NEBL: variants seen among roughly 807,000 people sequenced by gnomAD.
NEBL encodes the protein LIM and SH3 protein 2.
Under a neutral mutation model 140.2 loss-of-function variants are expected in NEBL, and 122 were observed. The observed-to-expected ratio is 0.87, with a 90% CI of 0.75 to 1.01. The LOEUF (loss-of-function observed/expected upper bound fraction) is 1.01, where lower values mean the gene tolerates loss of function less well. Ranked by LOEUF, NEBL falls within the 50% of genes least tolerant of loss-of-function variation. The pLI is 0.00. For synonymous variants in NEBL, 436 were observed against 398.9 expected (o/e 1.09, Z -1.11); for missense variants, 1,365 against 1,231.3 (o/e 1.11, Z -1.62).
intron 2 of NEBL, among the ~76,000 whole-genome samples, chr10:21,032,477 C>T (rs1258550221): frequency 5.9e-5 from 9 of 152,144 alleles, no homozygotes; most frequent in South Asian, 2.1e-4. Context: ...CCACAGCCAT[C>T]GTCTTGTTCT....
chr10:21,223,563 C>G (rs1329625592), intron 3 of NEBL, among the ~76,000 whole-genome samples: 1 of 152,184 alleles, frequency 6.6e-6, no homozygotes, highest in African/African-American at 2.4e-5. Context: ...GTGTATACAC[C>G]TAGCAGTGCG....
chr10:20,840,038 C>T (rs988698871), intron 13 of NEBL, among the ~76,000 whole-genome samples: 5 of 152,090 alleles, frequency 3.3e-5, no homozygotes, highest in Admixed American at 1.3e-4. Flanking sequence ...TCCTTTGATG[C>T]CTACCCTAGT....
intron 2 of NEBL, among the ~76,000 whole-genome samples, chr10:21,067,593 T>C (rs983763982): frequency 6.6e-6 from 1 of 152,130 alleles, no homozygotes; most frequent in Non-Finnish European, 1.5e-5. Flanking sequence ...TTATTTCATG[T>C]AACTCCAAAA....
chr10:20,999,769 C>T (rs1425778782), intron 3 of NEBL, among the ~76,000 whole-genome samples: 2 of 152,140 alleles, frequency 1.3e-5, no homozygotes, highest in Admixed American at 6.5e-5. Flanking sequence ...GCTTTAACTG[C>T]CGTGGAGGCT....
At chr10:20,789,520 T>C (rs561484382) in intron 26 of NEBL, among the ~76,000 whole-genome samples, 5 of 152,330 alleles carry the variant, frequency 3.3e-5, no homozygotes, top group African/African-American at 1.2e-4. Context: ...AATTCAAGAA[T>C]GTTGCTTAAC....
intron 2 of NEBL, among the ~76,000 whole-genome samples, chr10:21,074,029 CAT>C: frequency 6.6e-6 from 1 of 151,862 alleles, no homozygotes; most frequent in Non-Finnish European, 1.5e-5. Context: ...GAGCCGAGAT[CAT>C]GCCACTGCAC....
intron 3 of NEBL, among the ~76,000 whole-genome samples, chr10:21,226,100 T>C (rs965566340): frequency 2.0e-5 from 3 of 151,890 alleles, no homozygotes; most frequent in African/African-American, 7.3e-5. Flanking sequence ...TAGTCAGCAG[T>C]TGATTATCCT....
At chr10:20,874,046 G>C (rs1305481505) in intron 5 of NEBL, among the ~76,000 whole-genome samples, 1 of 152,158 alleles carries the variant, frequency 6.6e-6, no homozygotes, top group African/African-American at 2.4e-5. Flanking sequence ...ACAGTATAGA[G>C]TCTTATCTGA....
intron 16 of NEBL, among the ~76,000 whole-genome samples, chr10:20,830,880 G>T (rs1426034974): frequency 1.4e-5 from 2 of 143,048 alleles, no homozygotes; most frequent in Non-Finnish European, 3.0e-5. Context: ...TTCCAGCCTG[G>T]GTGAAAGAGT....
At chr10:21,203,645 A>G (rs1841778401) in intron 3 of NEBL, among the ~76,000 whole-genome samples, 1 of 152,246 alleles carries the variant, frequency 6.6e-6, no homozygotes, top group East Asian at 1.9e-4. Context: ...TGGCTTTTGC[A>G]ACAGGTCTGA....
At chr10:20,786,043 T>C (rs1835379528) in intron 27 of NEBL, 120 bp from the exon 28 acceptor site, 1 of 927,636 alleles carries the variant, frequency 1.1e-6, no homozygotes, top group Non-Finnish European at 1.7e-6. Context: ...AACACATGTA[T>C]CTCTGGAAAT....
At chr10:21,056,841 A>G (rs1051519266) in intron 2 of NEBL, among the ~76,000 whole-genome samples, 3 of 152,168 alleles carry the variant, frequency 2.0e-5, no homozygotes, top group Non-Finnish European at 4.4e-5. Context: ...AAAATTCAGG[A>G]TGGTGGTTCA....
chr10:20,900,771 G>A (rs551410548), upstream of NEBL, among the ~76,000 whole-genome samples: 84 of 151,430 alleles, frequency 5.5e-4, no homozygotes, highest in Non-Finnish European at 1.0e-3. Context: ...CTTGAACTTG[G>A]GAGGCGTAGG....
intron 12 of NEBL, among the ~76,000 whole-genome samples, chr10:20,844,950 A>C (rs1043338494): frequency 5.9e-5 from 9 of 152,198 alleles, no homozygotes; most frequent in East Asian, 3.9e-4. Context: ...TTTTTTAAAA[A>C]CTGCTATAAA....
chr10:21,057,417 G>A (rs939341875), intron 2 of NEBL, among the ~76,000 whole-genome samples: 3 of 151,730 alleles, frequency 2.0e-5, no homozygotes, highest in Admixed American at 1.3e-4. Flanking sequence ...AAGCAACACC[G>A]AGAAAAACCA....
chr10:21,287,615 A>G (rs992095496), intron 1 of NEBL, among the ~76,000 whole-genome samples: 1 of 152,196 alleles, frequency 6.6e-6, no homozygotes, highest in Non-Finnish European at 1.5e-5. Flanking sequence ...TAAAATTATA[A>G]TGGGAGACCA....
chr10:21,042,079 T>C (rs1259319252), intron 2 of NEBL, among the ~76,000 whole-genome samples: 3 of 152,232 alleles, frequency 2.0e-5, no homozygotes, highest in African/African-American at 7.2e-5. Flanking sequence ...GCCGACCTCC[T>C]ATCTCATCCT....
chr10:21,209,697 A>C (rs1841887259), intron 3 of NEBL, among the ~76,000 whole-genome samples: 1 of 131,890 alleles, frequency 7.6e-6, no homozygotes, highest in African/African-American at 2.9e-5. Context: ...CACAGTTGTG[A>C]CTCCTGGAGG....
intron 2 of NEBL, among the ~76,000 whole-genome samples, chr10:21,109,419 T>A (rs576703415): frequency 2.6e-5 from 4 of 152,314 alleles, no homozygotes; most frequent in African/African-American, 9.6e-5. Context: ...TATTGAGGAT[T>A]TTCGCATCAA....
Sources: gnomAD v4.1 joint callset for allele counts (sites outside exome capture counted in the v4.1 genomes callset) on GRCh38, gnomAD v4.1.1 for gene constraint, MANE v1.5 for transcripts, NCBI Gene and HGNC (gene_info 2026-07-23, HGNC 2026-07-21) for gene names.